Variants in COL10A1 observed in about 807,000 individuals in gnomAD.
COL10A1 encodes the protein collagen type X alpha 1 chain.
COL10A1 carries 10 observed loss-of-function variants against 18.2 expected under a neutral mutation model. The observed-to-expected ratio is 0.55, with a 90% CI of 0.34 to 0.93. The LOEUF (loss-of-function observed/expected upper bound fraction) is 0.93, where lower values mean the gene tolerates loss of function less well. Among genes scored for constraint, COL10A1 ranks in the 40% least tolerant of loss-of-function variants. The pLI, the probability that COL10A1 is intolerant of heterozygous loss-of-function variation, is 0.02. For missense variants in COL10A1, 897 were observed against 853.5 expected (o/e 1.05, Z -0.64); for synonymous variants, 330 against 316.6 (o/e 1.04, Z -0.45).
chr6:116,149,446 C>G (rs1355271797), intron 1 of COL10A1, among the ~76,000 whole-genome samples: 1 of 152,076 alleles, frequency 6.6e-6, no homozygotes, highest in Non-Finnish European at 1.5e-5. Context: ...TATTTCCCTG[C>G]CAGTACTAAG....
At chr6:116,207,268 T>C in the COL10A1 span, among the ~76,000 whole-genome samples, 1 of 151,044 alleles carries the variant, frequency 6.6e-6, no homozygotes. Flanking sequence ...GGAAAAAATA[T>C]TTCTGTACCT....
upstream of COL10A1, among the ~76,000 whole-genome samples, chr6:116,131,040 T>G (rs11965969): frequency 0.5 from 75,844 of 151,978 alleles, 19,593 homozygotes; most frequent in African/African-American, 0.63. Context: ...TCAATTTTTA[T>G]GAATGCTCTT....
At chr6:116,170,786 G>A in the COL10A1 span, among the ~76,000 whole-genome samples, 3 of 152,112 alleles carry the variant, frequency 2.0e-5, no homozygotes, top group South Asian at 2.1e-4. Flanking sequence ...ATACTGCATA[G>A]TACCTTCAGT....
chr6:116,202,057 T>C, the COL10A1 span, among the ~76,000 whole-genome samples: 1 of 151,996 alleles, frequency 6.6e-6, no homozygotes, highest in South Asian at 2.1e-4. Context: ...TAACCACATG[T>C]GGCTACCGAG....
chr6:116,167,335 C>T, the COL10A1 span, among the ~76,000 whole-genome samples: 23 of 151,332 alleles, frequency 1.5e-4, no homozygotes, highest in African/African-American at 5.6e-4. Context: ...GCCTCAGCCT[C>T]CCAAGTAATT....
intron 1 of COL10A1, among the ~76,000 whole-genome samples, chr6:116,151,788 T>A (rs957935029): frequency 6.6e-6 from 1 of 152,200 alleles, no homozygotes; most frequent in Non-Finnish European, 1.5e-5. Flanking sequence ...AAACTTTTTT[T>A]AAAAAAGCAG....
the COL10A1 span, among the ~76,000 whole-genome samples, chr6:116,191,270 A>G: frequency 1.3e-5 from 2 of 152,062 alleles, no homozygotes; most frequent in African/African-American, 4.8e-5. Flanking sequence ...CTCCAAGGAC[A>G]AGTTGCTTCA....
chr6:116,147,566 G>A (rs1188832073), intron 1 of COL10A1, among the ~76,000 whole-genome samples: 1 of 152,064 alleles, frequency 6.6e-6, no homozygotes, highest in Non-Finnish European at 1.5e-5. Context: ...AGTATTTAAA[G>A]CAAAACAATA....
At chr6:116,135,011 A>G (rs963320900) in intron 1 of COL10A1, among the ~76,000 whole-genome samples, 2 of 152,164 alleles carry the variant, frequency 1.3e-5, no homozygotes, top group African/African-American at 4.8e-5. Context: ...AGACATAGCT[A>G]TGCTTCACTT....
chr6:116,150,631 C>T (rs984476080), intron 1 of COL10A1, among the ~76,000 whole-genome samples: 25 of 152,080 alleles, frequency 1.6e-4, no homozygotes, highest in African/African-American at 6.0e-4. Flanking sequence ...AAATAGAAGT[C>T]CCTGGACAAG....
chr6:116,168,662 TTGAG>T, the COL10A1 span, among the ~76,000 whole-genome samples: 1 of 152,174 alleles, frequency 6.6e-6, no homozygotes, highest in South Asian at 2.1e-4. Context: ...TATTGTCTCC[TTGAG>T]TATCTGATAA....
chr6:116,208,890 A>T, the COL10A1 span, among the ~76,000 whole-genome samples: 22 of 151,998 alleles, frequency 1.4e-4, no homozygotes, highest in African/African-American at 5.3e-4. Context: ...ACTAATAGAG[A>T]ACCCAGGCCA....
chr6:116,173,527 G>A, the COL10A1 span, among the ~76,000 whole-genome samples: 10 of 152,166 alleles, frequency 6.6e-5, no homozygotes, highest in African/African-American at 2.2e-4. Flanking sequence ...GAGGGTTCCC[G>A]CTTTGAGCAA....
chr6:116,160,072 A>G (rs1413541017), upstream of COL10A1, among the ~76,000 whole-genome samples: 1 of 152,160 alleles, frequency 6.6e-6, no homozygotes, highest in Non-Finnish European at 1.5e-5. Context: ...TGCTCAATAA[A>G]CATATAAGTA....
At chr6:116,144,306 T>G (rs879412959) in intron 1 of COL10A1, among the ~76,000 whole-genome samples, 4 of 152,084 alleles carry the variant, frequency 2.6e-5, no homozygotes, top group Admixed American at 6.5e-5. Context: ...ATCAAGACCA[T>G]CCTGGCCAAC....
chr6:116,209,693 G>GT, the COL10A1 span, among the ~76,000 whole-genome samples: 1 of 151,050 alleles, frequency 6.6e-6, no homozygotes, highest in Non-Finnish European at 1.5e-5. Flanking sequence ...TTTATTTGGG[G>GT]TTTTTTTTCC....
the COL10A1 span, among the ~76,000 whole-genome samples, chr6:116,211,367 GGTTTGTTGTGCA>G: frequency 6.6e-6 from 1 of 151,922 alleles, no homozygotes; most frequent in South Asian, 2.1e-4. Flanking sequence ...TGTTTGAGGT[GGTTTGTTGTGCA>G]GCAATAAAAA....
At chr6:116,203,083 G>A in the COL10A1 span, among the ~76,000 whole-genome samples, 19 of 151,974 alleles carry the variant, frequency 1.3e-4, no homozygotes, top group African/African-American at 4.3e-4. Flanking sequence ...GTAGGACACA[G>A]GAAATAGTGA....
chr6:116,190,554 C>G, the COL10A1 span, among the ~76,000 whole-genome samples: 1 of 151,912 alleles, frequency 6.6e-6, no homozygotes. Context: ...CTTTTTTACA[C>G]AGCTAAAATT....
Sources: allele counts gnomAD v4.1 joint callset (sites outside exome capture counted in the v4.1 genomes callset), GRCh38; gene constraint gnomAD v4.1.1; transcripts MANE v1.5; gene names NCBI Gene and HGNC (gene_info 2026-07-23, HGNC 2026-07-21).